Variants in ELAVL4 observed in about 807,000 individuals in gnomAD.
ELAVL4 encodes ELAV-like protein 4.
Under a neutral mutation model 35.6 loss-of-function variants are expected in ELAVL4, and 1 was observed. That is an observed-to-expected ratio of 0.03 (90% CI 0.01 to 0.13). The LOEUF (loss-of-function observed/expected upper bound fraction) is 0.13, where lower values mean the gene tolerates loss of function less well. ELAVL4 is among the 10% of genes least tolerant of loss of function. The pLI is 1.00. For synonymous variants in ELAVL4, 156 were observed against 171.0 expected, an observed-to-expected ratio of 0.91 and a Z score of 0.69; for missense variants, 267 against 464.9, an observed-to-expected ratio of 0.57 and a Z score of 3.91.
chr1:50,173,929 C>G (rs553971097), intron 2 of ELAVL4, among the ~76,000 whole-genome samples: 1 of 152,216 alleles, frequency 6.6e-6, no homozygotes, highest in South Asian at 2.1e-4. Context: ...TCCCTCAGGC[C>G]CTCCCAGCAT....
chr1:50,066,970 G>T (rs999524068), intron 1 of ELAVL4, among the ~76,000 whole-genome samples: 2 of 152,284 alleles, frequency 1.3e-5, no homozygotes, highest in Middle Eastern at 6.8e-3. Flanking sequence ...GTGCCGAACA[G>T]CTTGAAAGAG....
intron 1 of ELAVL4, among the ~76,000 whole-genome samples, chr1:50,137,878 A>G (rs1201795403): frequency 6.6e-6 from 1 of 152,124 alleles, no homozygotes; most frequent in Non-Finnish European, 1.5e-5. Flanking sequence ...TTCTCTTCTA[A>G]TAATATTAGC....
chr1:50,162,049 A>T (rs1676894020), intron 2 of ELAVL4, among the ~76,000 whole-genome samples: 1 of 152,212 alleles, frequency 6.6e-6, no homozygotes, highest in South Asian at 2.1e-4. Flanking sequence ...CAGAAACTCT[A>T]TTAAAGGCCT....
At chr1:50,197,492 AG>A in intron 6 of ELAVL4, 25 bp downstream of exon 6, 3 of 1,559,612 alleles carry the variant, frequency 1.9e-6, no homozygotes, top group Non-Finnish European at 2.6e-6. Context: ...ACAGATTGCC[AG>A]ATGTCCATGT....
At chr1:50,087,027 G>A (rs1221329573) in intron 1 of ELAVL4, among the ~76,000 whole-genome samples, 1 of 152,058 alleles carries the variant, frequency 6.6e-6, no homozygotes, top group Non-Finnish European at 1.5e-5. Context: ...TGAGGAAGAG[G>A]GTGGGCTTAG....
chr1:50,077,324 T>C (rs1664806957), intron 1 of ELAVL4, among the ~76,000 whole-genome samples: 1 of 152,222 alleles, frequency 6.6e-6, no homozygotes, highest in Non-Finnish European at 1.5e-5. Flanking sequence ...GCTGGCAGGC[T>C]TAAGCCTGGA....
At chr1:50,085,455 A>G (rs980031047) in intron 1 of ELAVL4, among the ~76,000 whole-genome samples, 1 of 152,214 alleles carries the variant, frequency 6.6e-6, no homozygotes, top group Admixed American at 6.5e-5. Context: ...AGCGGCAAGT[A>G]GAGGTGCCCA....
At position 50,193,744 on chromosome 1, in the gene ELAVL4, G is replaced by A. The variant is rs200530709; in HGVS notation, c.355-21G>A. ...AGGGTGATTGCCTATAATGGAATTA[G>A]CTCCTCTTGCCTTTTCCTAGGTCTC... On this transcript the variant is annotated intron_variant, in intron 3 of 6. Transcript: ENST00000371824. 5.0e-5 allele frequency: 81 copies of A among 1,608,262 alleles called. No individual in the cohort carries two copies. In the African/African-American group the frequency reaches 8.7e-4, roughly 17 times the overall value.
In ELAVL4 at chr1:50,203,388, T is replaced by C. The variant is rs1644459034; in HGVS notation, c.*2210T>C. On this transcript the variant is annotated 3_prime_UTR_variant, in exon 7 of 7. Coordinates refer to ENST00000371824, the MANE Select transcript of ELAVL4 (RefSeq NM_001144774.3). ...TTTAAATTTTTTTTCTGTTTTTTTTTCCTCTTTTCGGTTTTGGATATAACA... is the reference window on the plus strand; with the variant it reads ...TTTAAATTTTTTTTCTGTTTTTTTTCCCTCTTTTCGGTTTTGGATATAACA... 6.6e-6 allele frequency: 1 copy of C among 152,108 alleles called. No individual in the cohort carries two copies. 9.4% of individuals were successfully genotyped at this position (152,108 alleles called of 1,614,324 possible). A position where few individuals can be genotyped will look rare whatever the true frequency, so the allele number is the denominator to read the frequency against.
chr1:50,082,909 C>A (rs1469941241), intron 1 of ELAVL4, among the ~76,000 whole-genome samples: 1 of 152,176 alleles, frequency 6.6e-6, no homozygotes, highest in African/African-American at 2.4e-5. Flanking sequence ...TACAAACCAA[C>A]CTTCATTGTG....
In ELAVL4 at chr1:50,195,631, G is replaced by T; in HGVS notation, c.579G>T (p.Leu193=). 4 of 1,614,170 alleles carry T rather than the reference G, an allele frequency of 2.5e-6. No individual in the cohort carries two copies. The highest frequency in any genetic ancestry group is 3.4e-6 in the Non-Finnish European group (4 of 1,180,006). The change falls in exon 5 of 7, where the codon CTG becomes CTT. Residue 193 remains leucine, a synonymous_variant. Transcript: ENST00000371824. The stretch of plus-strand genomic sequence containing the variant: ...AGGCAGAAGAAGCCATCAAAGGGCT[G>T]AATGGCCAGAAGCCCAGCGGTGCTA... ...RIEAEEAIKG[L]NGQKPSGATE...
At chr1:50,115,625 C>A (rs1184209252) in intron 1 of ELAVL4, among the ~76,000 whole-genome samples, 1 of 151,902 alleles carries the variant, frequency 6.6e-6, no homozygotes, top group East Asian at 1.9e-4. Flanking sequence ...GAGAAATGAC[C>A]CAGCGAAGAT....
rs1456077378 is a variant in ELAVL4, at chr1:50,074,952, A to G, written c.18+26770A>G. 2.0e-5 allele frequency among the ~76,000 whole-genome samples: 3 copies of G among 152,254 alleles called. No homozygotes were observed. In the East Asian group the frequency reaches 5.8e-4, roughly 29 times the overall value. ...TTATGTTATCTAGGGGATAGCATAA[A>G]TAATAGTAAAAAGACAAACATTTAT... On this transcript the variant is annotated intron_variant, in intron 1 of 6. Transcript: ENST00000448907.
At chr1:50,114,682 A>G (rs1667651273) in intron 1 of ELAVL4, among the ~76,000 whole-genome samples, 1 of 152,094 alleles carries the variant, frequency 6.6e-6, no homozygotes, top group African/African-American at 2.4e-5. Flanking sequence ...TTGACTTTGC[A>G]GGTCCATTAC....
rs368137526 is a variant in ELAVL4, at chr1:50,165,894, C to T, written c.251-11195C>T. On this transcript the variant is annotated intron_variant, in intron 2 of 6. Transcript: ENST00000371824. The stretch of plus-strand genomic sequence containing the variant: ...ATACACAATCACAAGGTCCCGCAAT[C>T]GGTTGTCTGCAAGCTGAGGAGCAAG... Among the ~76,000 whole-genome samples, 12 of 151,418 alleles carry T rather than the reference C, an allele frequency of 7.9e-5. No homozygotes were observed. In the East Asian group the frequency reaches 1.2e-3, roughly 15 times the overall value.
At chr1:50,071,347 G>T (rs1664506173) in intron 1 of ELAVL4, among the ~76,000 whole-genome samples, 1 of 152,190 alleles carries the variant, frequency 6.6e-6, no homozygotes. Context: ...GGACATAAAT[G>T]TGCCTGGCAC....
Position 50,202,398 on chromosome 1 carries a change from G to A in ELAVL4, c.*1220G>A, listed in dbSNP as rs1644424165. 6.6e-6 allele frequency: 1 copy of A among 152,160 alleles called. No homozygotes were observed. The highest frequency in any genetic ancestry group is 1.5e-5 in the Non-Finnish European group (1 of 68,034). The allele number at this position is 152,160 out of a possible 1,614,324, so 9.4% of individuals were successfully genotyped here. On this transcript the variant is annotated 3_prime_UTR_variant, in exon 7 of 7. Transcript: ENST00000371824. ...ATAGTTAAATGTAATGTGTTTAGGA[G>A]AGGAAAACAAAAGATACATTTGCTT...
upstream of ELAVL4, among the ~76,000 whole-genome samples, chr1:50,102,859 A>G (rs1340122347): frequency 6.6e-6 from 1 of 152,206 alleles, no homozygotes; most frequent in Non-Finnish European, 1.5e-5. Context: ...TGAAGAATAT[A>G]TCAGGGAAAA....
At chr1:50,166,117 C>A (rs1677873459) in intron 2 of ELAVL4, among the ~76,000 whole-genome samples, 1 of 152,054 alleles carries the variant, frequency 6.6e-6, no homozygotes, top group Admixed American at 6.6e-5. Flanking sequence ...CTTTGTTAAT[C>A]TCTTTTGGCA....
Sources: gnomAD v4.1 joint callset for allele counts (sites outside exome capture counted in the v4.1 genomes callset) on GRCh38, gnomAD v4.1.1 for gene constraint, MANE v1.5 for transcripts, NCBI Gene and HGNC (gene_info 2026-07-23, HGNC 2026-07-21) for gene names.